GPC5: variants seen among roughly 807,000 people sequenced by gnomAD.
GPC5 encodes the protein glypican 5.
A neutral mutation model predicts 53.9 loss-of-function variants in GPC5; 47 were observed. The ratio of observed to expected loss-of-function variants is 0.87; its 90% CI spans 0.69 to 1.11. The LOEUF is 1.11. Among genes scored for constraint, GPC5 ranks in the 50% most tolerant of loss-of-function variants. GPC5 has a pLI of 0.00. For synonymous variants in GPC5, 286 were observed against 263.3 expected (o/e 1.09, Z -0.84); for missense variants, 748 against 713.1 (o/e 1.05, Z -0.56).
At chr13:92,643,876 A>C (rs1173791492) in intron 7 of GPC5, among the ~76,000 whole-genome samples, 3 of 131,634 alleles carry the variant, frequency 2.3e-5, no homozygotes, top group African/African-American at 7.5e-5. Flanking sequence ...TTAAAGTATA[A>C]TAAAAAAAGA....
At chr13:92,513,687 GT>G in intron 7 of GPC5, among the ~76,000 whole-genome samples, 1 of 152,024 alleles carries the variant, frequency 6.6e-6, no homozygotes, top group East Asian at 1.9e-4. Flanking sequence ...CAGACTTCAG[GT>G]TTTTGGGGGG....
At chr13:92,774,686 G>A (rs982482312) in intron 7 of GPC5, among the ~76,000 whole-genome samples, 11 of 152,240 alleles carry the variant, frequency 7.2e-5, no homozygotes, top group African/African-American at 2.4e-4. Flanking sequence ...AAAAATGAAA[G>A]TTTAATGTTT....
intron 7 of GPC5, among the ~76,000 whole-genome samples, chr13:92,607,698 T>G (rs1242117289): frequency 6.6e-6 from 1 of 152,242 alleles, no homozygotes; most frequent in African/African-American, 2.4e-5. Flanking sequence ...TTTTCAAATA[T>G]GTAAACATTG....
intron 7 of GPC5, among the ~76,000 whole-genome samples, chr13:92,548,208 A>G (rs1882194530): frequency 1.3e-5 from 2 of 152,030 alleles, no homozygotes; most frequent in South Asian, 4.1e-4. Context: ...GTTCAGGCAA[A>G]GGACACAAAA....
intron 7 of GPC5, among the ~76,000 whole-genome samples, chr13:92,417,990 A>C (rs1363242372): frequency 1.3e-5 from 2 of 152,226 alleles, no homozygotes; most frequent in African/African-American, 4.8e-5. Context: ...AAAACAGGTA[A>C]AGTAGATACT....
At chr13:92,506,428 A>T (rs1880371042) in intron 7 of GPC5, among the ~76,000 whole-genome samples, 1 of 152,152 alleles carries the variant, frequency 6.6e-6, no homozygotes, top group Non-Finnish European at 1.5e-5. Context: ...AGATTACAGA[A>T]AATATTTTTT....
At chr13:92,170,193 G>T (rs1276600036) in intron 7 of GPC5, among the ~76,000 whole-genome samples, 5 of 151,100 alleles carry the variant, frequency 3.3e-5, no homozygotes, top group Non-Finnish European at 7.4e-5. Flanking sequence ...CTTCAATGAG[G>T]GTTACTCTAG....
At chr13:92,040,376 C>T (rs1037274651) in intron 6 of GPC5, among the ~76,000 whole-genome samples, 1 of 152,194 alleles carries the variant, frequency 6.6e-6, no homozygotes, top group African/African-American at 2.4e-5. Flanking sequence ...GTGTCCTAAC[C>T]AGGGCAGGTT....
intron 7 of GPC5, among the ~76,000 whole-genome samples, chr13:92,673,470 G>A (rs1886824669): frequency 6.6e-6 from 1 of 151,886 alleles, no homozygotes; most frequent in Admixed American, 6.6e-5. Context: ...TTTTAGTAGA[G>A]ATGGGGTTTC....
At position 92,093,833 on chromosome 13, in the gene GPC5, T is replaced by C. The variant is rs1434712113; in HGVS notation, c.1402-50997T>C. ...CTGAGAGTAAAACATGTTTAAAAGA[T>C]TAAAATAACAAAAATTGGTTTGAAA... is the stretch of plus-strand genomic sequence containing the variant. On this transcript the variant is annotated intron_variant, in intron 6 of 7. Transcript: ENST00000377067. Among the ~76,000 whole-genome samples, 3 of 152,192 alleles carry C rather than the reference T, an allele frequency of 2.0e-5. No homozygotes were observed. The East Asian group carries it at 5.8e-4, about 29-fold the overall frequency.
chr13:92,164,116 G>A (rs1179112354), intron 7 of GPC5, among the ~76,000 whole-genome samples: 1 of 152,102 alleles, frequency 6.6e-6, no homozygotes, highest in Non-Finnish European at 1.5e-5. Flanking sequence ...AATTCAAGAT[G>A]AAATTTGGGT....
At chr13:92,474,685 G>A (rs1398325871) in intron 7 of GPC5, among the ~76,000 whole-genome samples, 1 of 150,882 alleles carries the variant, frequency 6.6e-6, no homozygotes, top group Non-Finnish European at 1.5e-5. Flanking sequence ...ATTCTCAATA[G>A]CTATAAAATG....
chr13:91,582,828 C>A (rs1264357042), intron 2 of GPC5, among the ~76,000 whole-genome samples: 2 of 152,164 alleles, frequency 1.3e-5, no homozygotes, highest in Non-Finnish European at 2.9e-5. Context: ...GTCTGGCCAA[C>A]AAGGTGATAC....
intron 7 of GPC5, among the ~76,000 whole-genome samples, chr13:92,366,828 G>C (rs1378722066): frequency 6.6e-6 from 1 of 152,072 alleles, no homozygotes; most frequent in African/African-American, 2.4e-5. Context: ...TCAGACATTG[G>C]CATTAACACT....
intron 3 of GPC5, among the ~76,000 whole-genome samples, chr13:91,694,604 T>G (rs1239485292): frequency 1.3e-5 from 2 of 152,256 alleles, no homozygotes; most frequent in African/African-American, 4.8e-5. Context: ...AAATATTCAC[T>G]GGCTCCCTTA....
At chr13:92,603,124 G>A (rs1237859773) in intron 7 of GPC5, among the ~76,000 whole-genome samples, 1 of 152,150 alleles carries the variant, frequency 6.6e-6, no homozygotes, top group Non-Finnish European at 1.5e-5. Context: ...AAATCCCACT[G>A]TTTGTTTAAA....
intron 7 of GPC5, among the ~76,000 whole-genome samples, chr13:92,602,137 ATG>A (rs1200322114): frequency 6.8e-6 from 1 of 146,366 alleles, no homozygotes; most frequent in Admixed American, 6.9e-5. Context: ...TATAATACAT[ATG>A]TGTGTATATA....
chr13:91,625,109 A>G (rs34561572), intron 2 of GPC5, among the ~76,000 whole-genome samples: 9,466 of 151,988 alleles, frequency 0.062, 446 homozygotes, highest in Middle Eastern at 0.12. Context: ...CTGTTGAAGC[A>G]AAGAAAAAAG....
At chr13:92,810,026 A>T (rs1044466974) in intron 7 of GPC5, among the ~76,000 whole-genome samples, 3 of 152,136 alleles carry the variant, frequency 2.0e-5, no homozygotes, top group Admixed American at 2.0e-4. Context: ...TTCTTACTAT[A>T]AAAGAGATTT....
Sources: allele counts gnomAD v4.1 joint callset (sites outside exome capture counted in the v4.1 genomes callset), GRCh38; gene constraint gnomAD v4.1.1; transcripts MANE v1.5; gene names NCBI Gene and HGNC (gene_info 2026-07-23, HGNC 2026-07-21).